WWOX: variants seen among roughly 807,000 people sequenced by gnomAD.
WWOX encodes WW domain containing oxidoreductase, also known as WW domain-containing oxidoreductase.
In WWOX, 69 loss-of-function variants were observed where a neutral mutation model predicts 46.2. The ratio of observed to expected loss-of-function variants is 1.49; its 90% CI spans 1.23 to 1.82. The LOEUF is 1.82. Ranked by LOEUF, WWOX falls within the 40% of genes most tolerant of loss-of-function variation. The pLI is 0.00. For synonymous variants in WWOX, 359 were observed against 202.6 expected, an observed-to-expected ratio of 1.77 and a Z score of -6.56; for missense variants, 919 against 542.6, an observed-to-expected ratio of 1.69 and a Z score of -6.89.
At chr16:78,203,574 T>C (rs2043520801) in intron 5 of WWOX, among the ~76,000 whole-genome samples, 1 of 152,180 alleles carries the variant, frequency 6.6e-6, no homozygotes, top group Admixed American at 6.5e-5. Context: ...TTGTTTTAGT[T>C]GACAAGAAGA....
intron 5 of WWOX, among the ~76,000 whole-genome samples, chr16:78,297,111 C>G (rs1009291593): frequency 6.6e-6 from 1 of 152,138 alleles, no homozygotes; most frequent in African/African-American, 2.4e-5. Flanking sequence ...TGAGGTGGCT[C>G]TCTGGCCTCT....
Position 78,751,041 on chromosome 16 carries a change from A to T in WWOX, c.1056+318289A>T, listed in dbSNP as rs367978066. On this transcript the variant is annotated intron_variant, in intron 8 of 8. Transcript: ENST00000566780. ...GATTGCTAGGTCAAATGGTAATTCT[A>T]TTTTTAGACCTTTGAGAAATCTCCA... Among the ~76,000 whole-genome samples, 6 of 152,180 alleles carry T rather than the reference A, an allele frequency of 3.9e-5. No homozygotes were observed. The South Asian group carries it at 1.2e-3, about 32-fold the overall frequency.
chr16:78,863,241 A>C (rs574074766), intron 8 of WWOX, among the ~76,000 whole-genome samples: 1 of 152,298 alleles, frequency 6.6e-6, no homozygotes, highest in East Asian at 1.9e-4. Flanking sequence ...TACAGGCGTG[A>C]GCCACCACTC....
chr16:79,136,821 C>CG (rs2049990389), intron 8 of WWOX, among the ~76,000 whole-genome samples: 1 of 152,114 alleles, frequency 6.6e-6, no homozygotes, highest in Non-Finnish European at 1.5e-5. Context: ...TGTGTTATGC[C>CG]GGGAACTTCT....
chr16:78,393,845 T>C (rs2082229566), intron 6 of WWOX, among the ~76,000 whole-genome samples: 1 of 150,754 alleles, frequency 6.6e-6, no homozygotes, highest in Non-Finnish European at 1.5e-5. Context: ...GTGGTGTTTT[T>C]TTAATTAAAA....
intron 8 of WWOX, among the ~76,000 whole-genome samples, chr16:79,102,065 G>A (rs2049210035): frequency 7.8e-6 from 1 of 128,156 alleles, no homozygotes; most frequent in African/African-American, 2.9e-5. Context: ...GGGGGGAGGG[G>A]GGGAGGGGGT....
intron 5 of WWOX, among the ~76,000 whole-genome samples, chr16:78,228,456 C>T (rs1001579278): frequency 4.0e-5 from 6 of 151,544 alleles, no homozygotes; most frequent in African/African-American, 1.5e-4. Flanking sequence ...ATCCTCCCAC[C>T]TCAGCCTCCT....
At chr16:78,692,593 A>G (rs188044215) in intron 8 of WWOX, among the ~76,000 whole-genome samples, 24 of 152,340 alleles carry the variant, frequency 1.6e-4, no homozygotes, top group Admixed American at 7.2e-4. Flanking sequence ...TGTAAGGGCC[A>G]TATGCCTGAA....
chr16:78,245,822 C>T (rs1375287840), intron 5 of WWOX, among the ~76,000 whole-genome samples: 1 of 152,158 alleles, frequency 6.6e-6, no homozygotes, highest in Non-Finnish European at 1.5e-5. Context: ...GACCCAAGTG[C>T]CTGGGCGCTT....
At chr16:79,019,995 C>G (rs1334690905) in intron 8 of WWOX, among the ~76,000 whole-genome samples, 1 of 152,212 alleles carries the variant, frequency 6.6e-6, no homozygotes, top group Non-Finnish European at 1.5e-5. Context: ...CTAATCCCCA[C>G]TGTGGGGAAG....
At chr16:78,691,562 T>A (rs562989611) in intron 8 of WWOX, among the ~76,000 whole-genome samples, 14 of 152,042 alleles carry the variant, frequency 9.2e-5, no homozygotes, top group African/African-American at 3.1e-4. Context: ...AAAAAAATTA[T>A]CTGGGTATAG....
intron 4 of WWOX, among the ~76,000 whole-genome samples, chr16:78,140,230 C>T (rs1056477962): frequency 2.0e-5 from 3 of 152,170 alleles, no homozygotes; most frequent in African/African-American, 4.8e-5. Context: ...ATACAGTCCA[C>T]CCCCTGCACC....
intron 6 of WWOX, among the ~76,000 whole-genome samples, chr16:78,406,110 T>C (rs1017246580): frequency 2.0e-5 from 3 of 151,838 alleles, no homozygotes; most frequent in Non-Finnish European, 4.4e-5. Flanking sequence ...CCCTTCGTAT[T>C]GTGTATCTTG....
intron 5 of WWOX, among the ~76,000 whole-genome samples, chr16:78,324,006 C>A (rs896436360): frequency 3.3e-5 from 5 of 152,266 alleles, no homozygotes; most frequent in African/African-American, 9.6e-5. Context: ...ACTTCACTTT[C>A]CCCTATGAGA....
chr16:78,755,545 A>C (rs1037887514), intron 8 of WWOX, among the ~76,000 whole-genome samples: 1 of 152,184 alleles, frequency 6.6e-6, no homozygotes, highest in Admixed American at 6.5e-5. Flanking sequence ...TGTAATATCA[A>C]ATAATTCTAC....
intron 5 of WWOX, among the ~76,000 whole-genome samples, chr16:78,345,812 G>A (rs1567514741): frequency 8.4e-6 from 1 of 118,824 alleles, no homozygotes; most frequent in African/African-American, 2.9e-5. Context: ...AAAAATTTGA[G>A]GCATTGACAC....
intron 8 of WWOX, among the ~76,000 whole-genome samples, chr16:78,877,255 ACCCTCTGTATGCCCTGCCTGCCTC>A (rs2044252274): frequency 6.6e-6 from 1 of 151,428 alleles, no homozygotes; most frequent in African/African-American, 2.4e-5. Context: ...AGGACACCAA[ACCCTCTGTATGCCCTGCCTGCCTC>A]CCCCCCTCTG....
chr16:79,186,692 C>T lies in WWOX; in HGVS notation c.1057-24916C>T, dbSNP rs140951698. ...TAACAAGTAATACTAGTAATCATCTCACTCCTGTAAACAGTACAGTTGCCA... is the reference window on the plus strand; with the variant it reads ...TAACAAGTAATACTAGTAATCATCTTACTCCTGTAAACAGTACAGTTGCCA... On this transcript the variant is annotated intron_variant, in intron 8 of 8. Coordinates refer to ENST00000566780, the MANE Select transcript of WWOX (RefSeq NM_016373.4). Among the ~76,000 whole-genome samples the T allele has an allele frequency of 3.2e-3, 490 of 152,216 alleles. 4 individuals carry two copies. Among genetic ancestry groups the T allele is most frequent in the South Asian group, 0.014 (68 of 4,816 alleles).
chr16:79,011,512 G>C (rs913719175), intron 8 of WWOX, among the ~76,000 whole-genome samples: 5 of 118,836 alleles, frequency 4.2e-5, no homozygotes, highest in African/African-American at 1.7e-4. Flanking sequence ...TATTTTTTGA[G>C]ACAGGGTCTT....
Sources: allele counts gnomAD v4.1 joint callset (sites outside exome capture counted in the v4.1 genomes callset), GRCh38; gene constraint gnomAD v4.1.1; transcripts MANE v1.5; gene names NCBI Gene and HGNC (gene_info 2026-07-23, HGNC 2026-07-21).